KCNH5: variants seen among roughly 807,000 people sequenced by gnomAD.
KCNH5 encodes the protein potassium voltage-gated channel subfamily H member 5.
A neutral mutation model predicts 96.1 loss-of-function variants in KCNH5; 46 were observed. The observed-to-expected ratio is 0.48, with a 90% confidence interval of 0.38 to 0.61. The LOEUF (loss-of-function observed/expected upper bound fraction) is 0.61, where lower values mean the gene tolerates loss of function less well. Among genes scored for constraint, KCNH5 ranks in the 20% least tolerant of loss-of-function variants. The pLI is 0.00. For synonymous variants in KCNH5, 439 were observed against 449.8 expected (o/e 0.98, Z 0.30); for missense variants, 907 against 1,225.8 (o/e 0.74, Z 3.88).
In KCNH5 at chr14:63,001,348, T is replaced by A; in HGVS notation, c.416A>T (p.Glu139Val). Residue 139 changes from glutamate to valine, a missense_variant, in exon 4 of 11, where the codon GAG (glutamate) becomes GTG (valine). Glu to Val is a moderately radical substitution (Grantham distance 121). Coordinates refer to ENST00000322893, the MANE Select transcript of KCNH5 (RefSeq NM_139318.5). ...KDITLFKQPI[E>V]DDSTKGWTKF... ...AAAATTACCTTTTGTTGAATCATCC[T>A]CTATTGGCTGTTTGAACAACGTAAT... 6.2e-7 allele frequency: 1 copy of A among 1,605,852 alleles called. No individual in the cohort carries two copies. The highest frequency in any genetic ancestry group is 1.1e-5 in the South Asian group (1 of 88,928).
intron 6 of KCNH5, among the ~76,000 whole-genome samples, chr14:62,967,133 G>C (rs1594650343): frequency 6.6e-6 from 1 of 152,262 alleles, no homozygotes; most frequent in East Asian, 1.9e-4. Flanking sequence ...ATATCTGATG[G>C]AACTCTGAAA....
At chr14:62,714,371 A>G (rs1050218279) in intron 10 of KCNH5, among the ~76,000 whole-genome samples, 9 of 152,196 alleles carry the variant, frequency 5.9e-5, no homozygotes, top group Non-Finnish European at 1.2e-4. Context: ...ACATAGTGGA[A>G]ACATTGATGA....
intron 7 of KCNH5, among the ~76,000 whole-genome samples, chr14:62,917,507 C>A (rs1003570178): frequency 2.0e-5 from 3 of 152,032 alleles, no homozygotes; most frequent in Non-Finnish European, 2.9e-5. Flanking sequence ...CTGAAAGTGT[C>A]CTGTGAATGA....
chr14:63,025,127 CA>C (rs1891501321), intron 1 of KCNH5, among the ~76,000 whole-genome samples: 1 of 151,932 alleles, frequency 6.6e-6, no homozygotes, highest in African/African-American at 2.4e-5. Flanking sequence ...GAATGAAGGA[CA>C]AAAACTATAA....
intron 9 of KCNH5, among the ~76,000 whole-genome samples, chr14:62,796,961 T>A (rs987028545): frequency 1.3e-5 from 2 of 152,144 alleles, no homozygotes; most frequent in Non-Finnish European, 2.9e-5. Context: ...GCAAATCAGA[T>A]ATGCATCTAT....
At chr14:62,884,203 T>C (rs976328773) in intron 7 of KCNH5, among the ~76,000 whole-genome samples, 3 of 152,228 alleles carry the variant, frequency 2.0e-5, no homozygotes, top group African/African-American at 4.8e-5. Flanking sequence ...AATGTATCTA[T>C]AATACGGCAC....
intron 8 of KCNH5, among the ~76,000 whole-genome samples, chr14:62,835,694 T>G (rs1041177271): frequency 1.1e-4 from 16 of 151,986 alleles, no homozygotes; most frequent in African/African-American, 3.9e-4. Context: ...TAAGTAAAGG[T>G]CATAACATTA....
intron 6 of KCNH5, among the ~76,000 whole-genome samples, chr14:62,978,673 TAATA>T (rs1890548856): frequency 1.3e-5 from 2 of 151,782 alleles, no homozygotes; most frequent in Admixed American, 1.3e-4. Flanking sequence ...GAGAATCTTT[TAATA>T]TATATTACAT....
intron 2 of KCNH5, among the ~76,000 whole-genome samples, chr14:63,010,882 A>G (rs1406329656): frequency 6.6e-6 from 1 of 152,218 alleles, no homozygotes; most frequent in African/African-American, 2.4e-5. Flanking sequence ...CATGAGTTCC[A>G]CCAACCTCTC....
intron 7 of KCNH5, among the ~76,000 whole-genome samples, chr14:62,909,147 G>A (rs1043670660): frequency 9.5e-4 from 129 of 135,630 alleles, no homozygotes; most frequent in African/African-American, 3.3e-3. Context: ...CCGGGTTCAC[G>A]CCATTCTCCT....
At chr14:62,937,612 G>T (rs543007984) in intron 7 of KCNH5, among the ~76,000 whole-genome samples, 2 of 152,108 alleles carry the variant, frequency 1.3e-5, no homozygotes, top group Non-Finnish European at 2.9e-5. Flanking sequence ...CATAGGTTTC[G>T]GAAAGGAGGA....
chr14:62,730,186 C>G (rs531454095), intron 10 of KCNH5, among the ~76,000 whole-genome samples: 1 of 152,026 alleles, frequency 6.6e-6, no homozygotes, highest in African/African-American at 2.4e-5. Flanking sequence ...CCAGATTGTG[C>G]AAGAATACAT....
chr14:62,737,507 T>A (rs958088629), intron 10 of KCNH5, among the ~76,000 whole-genome samples: 3 of 152,104 alleles, frequency 2.0e-5, no homozygotes, highest in Admixed American at 1.3e-4. Flanking sequence ...TGAGAAGAAA[T>A]CCAGCCTACC....
chr14:63,030,506 T>C (rs556802646), intron 1 of KCNH5, among the ~76,000 whole-genome samples: 16 of 152,274 alleles, frequency 1.1e-4, no homozygotes, highest in Non-Finnish European at 2.2e-4. Context: ...TTCCAAATGG[T>C]CCCCTAGAGA....
intron 7 of KCNH5, among the ~76,000 whole-genome samples, chr14:62,945,425 G>C (rs573863912): frequency 6.6e-6 from 1 of 152,216 alleles, no homozygotes; most frequent in East Asian, 1.9e-4. Context: ...TGGATTCAAG[G>C]ACAGAAGATC....
chr14:62,709,780 A>C (rs2139901303), intron 10 of KCNH5, among the ~76,000 whole-genome samples: 1 of 152,360 alleles, frequency 6.6e-6, no homozygotes, highest in Admixed American at 6.5e-5. Context: ...CAGAGTTGGA[A>C]GTAAAGTTAA....
intron 8 of KCNH5, among the ~76,000 whole-genome samples, chr14:62,812,810 C>T (rs1176527606): frequency 1.3e-5 from 2 of 151,580 alleles, no homozygotes; most frequent in Non-Finnish European, 2.9e-5. Context: ...TGTGTAGATA[C>T]CATCGTTACA....
rs193005231 is a variant in KCNH5, at chr14:62,766,877, T to C, written c.2019+12851A>G. On this transcript the variant is annotated intron_variant, in intron 10 of 10. Transcript: ENST00000322893. ...AAGGATGAATACTTGAGGGGATGGA[T>C]ACCCCATTCTCCATGATATGATTAT... 9.2e-4 allele frequency among the ~76,000 whole-genome samples: 140 copies of C among 152,246 alleles called. 1 individual carries two copies. The highest frequency in any genetic ancestry group is 5.3e-3 in the Admixed American group (81 of 15,292).
intron 7 of KCNH5, among the ~76,000 whole-genome samples, chr14:62,903,778 G>A (rs971546303): frequency 6.6e-6 from 1 of 152,132 alleles, no homozygotes; most frequent in Non-Finnish European, 1.5e-5. Flanking sequence ...AATAGATATA[G>A]ATGAAAGAAT....
Sources: gnomAD v4.1 joint callset for allele counts (sites outside exome capture counted in the v4.1 genomes callset) on GRCh38, gnomAD v4.1.1 for gene constraint, MANE v1.5 for transcripts, NCBI Gene and HGNC (gene_info 2026-07-23, HGNC 2026-07-21) for gene names.